NCOA6: variants seen among roughly 807,000 people sequenced by gnomAD.
NCOA6 encodes nuclear receptor coactivator 6, also known as NRC RAP250.
In NCOA6, 49 loss-of-function variants were observed where a neutral mutation model predicts 171.4. The observed-to-expected ratio is 0.29, with a 90% CI of 0.23 to 0.36. The LOEUF (loss-of-function observed/expected upper bound fraction) is 0.36. Ranked by LOEUF, NCOA6 falls within the 10% of genes least tolerant of loss-of-function variation. The pLI is 1.00. For missense variants in NCOA6, 2,248 were observed against 2,554.5 expected (o/e 0.88, Z 2.59); for synonymous variants, 910 against 927.5 (o/e 0.98, Z 0.34).
intron 1 of NCOA6, among the ~76,000 whole-genome samples, chr20:34,814,009 A>G (rs905174085): frequency 6.6e-6 from 1 of 152,186 alleles, no homozygotes; most frequent in African/African-American, 2.4e-5. Flanking sequence ...AAGATTTATA[A>G]AAAGATGTAA....
At chr20:34,761,920 C>T (rs987685784) in intron 5 of NCOA6, among the ~76,000 whole-genome samples, 5 of 152,118 alleles carry the variant, frequency 3.3e-5, no homozygotes, top group African/African-American at 1.2e-4. Context: ...TCCCAAAGTG[C>T]TGGGATTACA....
chr20:34,816,837 G>A (rs1177064017), intron 1 of NCOA6, among the ~76,000 whole-genome samples: 1 of 150,478 alleles, frequency 6.6e-6, no homozygotes, highest in Non-Finnish European at 1.5e-5. Context: ...ACAAAAAAGA[G>A]CAGCTGGGTG....
At chr20:34,795,810 A>G (rs1328635533) in intron 1 of NCOA6, among the ~76,000 whole-genome samples, 1 of 152,094 alleles carries the variant, frequency 6.6e-6, no homozygotes, top group Non-Finnish European at 1.5e-5. Context: ...TGTTATTTGT[A>G]ATTAGGTAGA....
chr20:34,726,486 T>C (rs1989967402), intron 14 of NCOA6, among the ~76,000 whole-genome samples: 1 of 152,064 alleles, frequency 6.6e-6, no homozygotes, highest in Admixed American at 6.6e-5. Context: ...TGGGTGATCA[T>C]GAATTTAAAG....
In NCOA6 at chr20:34,751,376, CA is replaced by C. The variant is rs35848122; in HGVS notation, c.1676-858del. Among the ~76,000 whole-genome samples the C allele has an allele frequency of 3.7e-3, 251 of 68,240 alleles. 8 individuals are homozygous for C. Among genetic ancestry groups the C allele is most frequent in the South Asian group, 0.013 (33 of 2,480 alleles). 44.8% of individuals were successfully genotyped at this position (68,240 alleles called of 152,430 possible). On this transcript the variant is annotated intron_variant, in intron 8 of 14. Transcript: ENST00000359003. ...TGGGCGACAGAGCAAGACTCCGTCT[CA>C]AAAAAAAAAAAAAAAAAAAGAATGT...
intron 14 of NCOA6, among the ~76,000 whole-genome samples, chr20:34,721,256 A>C (rs891554015): frequency 2.7e-5 from 4 of 149,034 alleles, no homozygotes; most frequent in Admixed American, 2.7e-4. Flanking sequence ...AAAAAAAAAA[A>C]AAAAAAAAAA....
At chr20:34,783,537 G>T (rs560160070) in intron 2 of NCOA6, among the ~76,000 whole-genome samples, 1 of 151,976 alleles carries the variant, frequency 6.6e-6, no homozygotes, top group Non-Finnish European at 1.5e-5. Context: ...CAGCATTTGC[G>T]GTAAGCAAAA....
chr20:34,746,425 T>A (rs2145646282), intron 10 of NCOA6, among the ~76,000 whole-genome samples: 1 of 152,226 alleles, frequency 6.6e-6, no homozygotes, highest in South Asian at 2.1e-4. Flanking sequence ...AAATTTTTAG[T>A]AGAGACAAGG....
At chr20:34,819,097 A>G (rs967931744) in intron 1 of NCOA6, among the ~76,000 whole-genome samples, 1 of 152,196 alleles carries the variant, frequency 6.6e-6, no homozygotes, top group Non-Finnish European at 1.5e-5. Flanking sequence ...AATAGGTTTT[A>G]GTATTTACTT....
At chr20:34,727,093 G>A (rs1017447558) in intron 14 of NCOA6, among the ~76,000 whole-genome samples, 166 bp downstream of exon 14, 1 of 152,202 alleles carries the variant, frequency 6.6e-6, no homozygotes, top group Non-Finnish European at 1.5e-5. Context: ...AAAACATACA[G>A]TTAAATGAAC....
chr20:34,802,761 T>C (rs1170115375), intron 1 of NCOA6, among the ~76,000 whole-genome samples: 3 of 152,200 alleles, frequency 2.0e-5, no homozygotes, highest in African/African-American at 7.2e-5. Context: ...TTTTTGCAAG[T>C]CAAAATGCAC....
At chr20:34,717,695 T>C (rs994924387) in intron 14 of NCOA6, among the ~76,000 whole-genome samples, 1 of 152,182 alleles carries the variant, frequency 6.6e-6, no homozygotes, top group Non-Finnish European at 1.5e-5. Flanking sequence ...TTAATTCATG[T>C]AAATTAAAGA....
intron 14 of NCOA6, among the ~76,000 whole-genome samples, chr20:34,723,916 C>T (rs1989666037): frequency 6.6e-6 from 1 of 152,158 alleles, no homozygotes; most frequent in Non-Finnish European, 1.5e-5. Context: ...AAGGCCAATA[C>T]CTTTTCCCCG....
chr20:34,742,358 G>A lies in NCOA6; in HGVS notation c.3898C>T (p.Pro1300Ser), dbSNP rs768048209. 3 of 1,614,170 alleles carry A rather than the reference G, an allele frequency of 1.9e-6. No homozygotes were observed. The highest frequency in any genetic ancestry group is 2.7e-5 in the African/African-American group (2 of 75,032). Reference sequence around the variant, plus strand: ...ACAGAATCTAATTTGTGAGTTTGTGGGGTAGCAAAATTGGAAGGATTCATG... The same window carrying A: ...ACAGAATCTAATTTGTGAGTTTGTGAGGTAGCAAAATTGGAAGGATTCATG... ...LTMNPSNFATPQTHKLDSVVV... is the reference protein window; with the variant it reads ...LTMNPSNFATSQTHKLDSVVV... The change falls in exon 11 of 15, where the codon CCA (proline) becomes TCA (serine). Residue 1300 changes from proline (P) to serine (S), a missense_variant. Physicochemically the swap from Pro to Ser is moderately conservative, Grantham distance 74. This residue lies in a region of NCOA6 where 884 missense variants were observed against 941.9 expected (regional missense o/e 0.94). Coordinates refer to ENST00000359003, the MANE Select transcript of NCOA6 (RefSeq NM_014071.5).
intron 1 of NCOA6, among the ~76,000 whole-genome samples, chr20:34,797,701 A>G (rs149156781): frequency 6.6e-6 from 1 of 152,224 alleles, no homozygotes; most frequent in African/African-American, 2.4e-5. Context: ...CAGCCTGGCC[A>G]ACATGGTAAA....
intron 1 of NCOA6, among the ~76,000 whole-genome samples, chr20:34,807,902 CA>C: frequency 6.6e-6 from 1 of 150,482 alleles, no homozygotes; most frequent in Non-Finnish European, 1.5e-5. Context: ...GTAATCCCAG[CA>C]CTTTGGGAGG....
intron 6 of NCOA6, among the ~76,000 whole-genome samples, chr20:34,758,410 AAACACT>A (rs1229098368): frequency 6.6e-6 from 1 of 152,212 alleles, no homozygotes; most frequent in Non-Finnish European, 1.5e-5. Context: ...TAGGTTTGGG[AAACACT>A]GAACCTAACA....
intron 4 of NCOA6, among the ~76,000 whole-genome samples, chr20:34,769,073 T>C (rs2077061838): frequency 6.6e-6 from 1 of 152,182 alleles, no homozygotes; most frequent in Non-Finnish European, 1.5e-5. Flanking sequence ...AAATACCAAT[T>C]CCATTCAATA....
intron 13 of NCOA6, 70 bp from the exon 14 acceptor site, chr20:34,727,477 G>T: frequency 6.5e-7 from 1 of 1,534,698 alleles, no homozygotes; most frequent in Non-Finnish European, 9.0e-7. Context: ...GGGCTCTTCA[G>T]ATAGTTTCAT....
Sources: allele counts gnomAD v4.1 joint callset (sites outside exome capture counted in the v4.1 genomes callset), GRCh38; gene constraint gnomAD v4.1.1; regional missense constraint gnomAD v4.1.1; transcripts MANE v1.5; gene names NCBI Gene and HGNC (gene_info 2026-07-23, HGNC 2026-07-21).